Variants in RGS12 observed in about 807,000 individuals in gnomAD.
RGS12 encodes the protein regulator of G-protein signaling 12.
Under a neutral mutation model 120.1 loss-of-function variants are expected in RGS12, and 66 were observed. The observed-to-expected ratio is 0.55, with a 90% CI of 0.45 to 0.67. The LOEUF is 0.67. RGS12 is among the 30% of genes least tolerant of loss of function. RGS12 has a pLI of 0.00. For missense variants in RGS12, 1,859 were observed against 1,957.7 expected (o/e 0.95, Z 0.95); for synonymous variants, 827 against 804.7 (o/e 1.03, Z -0.47).
At chr4:3,392,511 C>A (rs574558461) in intron 4 of RGS12, among the ~76,000 whole-genome samples, 1 of 152,260 alleles carries the variant, frequency 6.6e-6, no homozygotes, top group Admixed American at 6.5e-5. Context: ...TTCATTGTTT[C>A]TCTTGCTCTA....
chr4:3,352,274 A>G (rs947865576), intron 3 of RGS12, among the ~76,000 whole-genome samples: 2 of 152,180 alleles, frequency 1.3e-5, no homozygotes, highest in Admixed American at 1.3e-4. Context: ...TGAAGTAAAA[A>G]AGAGCTTCTA....
chr4:3,318,081 AG>A, intron 2 of RGS12, 30 bp downstream of exon 2: 1 of 1,553,418 alleles, frequency 6.4e-7, no homozygotes, highest in Non-Finnish European at 8.7e-7. Context: ...CTCAGCGCGG[AG>A]GCCCGGCCTC....
chr4:3,364,372 G>A (rs558187151), intron 3 of RGS12, among the ~76,000 whole-genome samples: 54 of 152,318 alleles, frequency 3.5e-4, no homozygotes, highest in Non-Finnish European at 7.1e-4. Flanking sequence ...CTCACCCAGA[G>A]GCCCTGGCAG....
At chr4:3,414,720 G>C in intron 5 of RGS12, 32 bp from the exon 6 acceptor site, 1 of 1,459,430 alleles carries the variant, frequency 6.9e-7, no homozygotes. Flanking sequence ...CCCTGTGTCA[G>C]TGTTAATAAA....
intron 2 of RGS12, among the ~76,000 whole-genome samples, chr4:3,331,805 C>T (rs1430599566): frequency 6.6e-6 from 1 of 152,204 alleles, no homozygotes; most frequent in Non-Finnish European, 1.5e-5. Context: ...GGAGTCCACC[C>T]AGTCCTGGGA....
intron 3 of RGS12, among the ~76,000 whole-genome samples, chr4:3,363,356 G>T (rs1166936027): frequency 1.3e-5 from 2 of 152,134 alleles, no homozygotes; most frequent in Admixed American, 1.3e-4. Flanking sequence ...GTTTTAAAGA[G>T]AAACCATTTT....
chr4:3,328,358 T>G (rs1482368371), intron 2 of RGS12, among the ~76,000 whole-genome samples: 1 of 152,214 alleles, frequency 6.6e-6, no homozygotes, highest in Non-Finnish European at 1.5e-5. Context: ...GCATGTATAG[T>G]AACAAAATTG....
At chr4:3,364,481 G>T (rs931119490) in intron 3 of RGS12, among the ~76,000 whole-genome samples, 10 of 152,102 alleles carry the variant, frequency 6.6e-5, no homozygotes, top group African/African-American at 2.4e-4. Flanking sequence ...GCCAGGCAAC[G>T]TCCTGCCTTT....
At chr4:3,289,288 C>T (rs543958444), upstream of RGS12, among the ~76,000 whole-genome samples, 13 of 152,196 alleles carry the variant, frequency 8.5e-5, no homozygotes, top group South Asian at 2.3e-3. Context: ...ATTGCAACCT[C>T]ACTTCTCAGG....
At chr4:3,375,625 G>GCCTCATCTCCAGCCCTCATCTCCAGC in intron 3 of RGS12, among the ~76,000 whole-genome samples, 1 of 77,402 alleles carries the variant, frequency 1.3e-5, no homozygotes. Context: ...CTCATCTCCA[G>GCCTCATCTCCAGCCCTCATCTCCAGC]CCTCATCTCC....
chr4:3,437,713 G>A (rs1724942748), intron 17 of RGS12, among the ~76,000 whole-genome samples: 1 of 152,150 alleles, frequency 6.6e-6, no homozygotes, highest in African/African-American at 2.4e-5. Context: ...CCTCCAGATG[G>A]CATCTCCACC....
intron 1 of RGS12, among the ~76,000 whole-genome samples, chr4:3,315,530 T>C (rs986379752): frequency 6.6e-6 from 1 of 152,214 alleles, no homozygotes; most frequent in Non-Finnish European, 1.5e-5. Flanking sequence ...CATGGAATAT[T>C]AGGTGACCCC....
chr4:3,371,919 T>TGCCC (rs1014669261), intron 3 of RGS12, among the ~76,000 whole-genome samples: 1 of 152,164 alleles, frequency 6.6e-6, no homozygotes, highest in African/African-American at 2.4e-5. Context: ...TAGGAGCTGT[T>TGCCC]GCCCGACTCC....
intron 4 of RGS12, among the ~76,000 whole-genome samples, chr4:3,397,734 G>T (rs1019911423): frequency 1.3e-5 from 2 of 152,214 alleles, no homozygotes; most frequent in African/African-American, 2.4e-5. Context: ...AGTACAGAAT[G>T]CAGAAAAGTG....
In RGS12 at chr4:3,295,285, T is replaced by G. The variant is rs144596364; in HGVS notation, c.-102+2186T>G. On this transcript the variant is annotated intron_variant, in intron 1 of 17. Coordinates refer to ENST00000336727, the MANE Select transcript of RGS12 (RefSeq NM_001394154.1). ...TTCCGGCTGATAGAAGGGGGCTGAG[T>G]GGGCTCTGCAGGCCTGGTTGACAGT... 8.7e-3 allele frequency among the ~76,000 whole-genome samples: 1,329 copies of G among 152,208 alleles called. 14 individuals are homozygous for G. The highest frequency in any genetic ancestry group is 0.031 in the Middle Eastern group (9 of 294).
rs371380195 is a variant in RGS12, at chr4:3,416,706, G to A, written c.2428-207G>A. Among the ~76,000 whole-genome samples, 14 of 152,296 alleles carry A rather than the reference G, an allele frequency of 9.2e-5. No individual in the cohort carries two copies. In the East Asian group the frequency reaches 2.1e-3, roughly 23 times the overall value. The stretch of plus-strand genomic sequence containing the variant: ...TTAATTTTAAGAGTGATAAAGGCTG[G>A]TTCGTTATGAGAAAGAAGACTCAGA... On this transcript the variant is annotated intron_variant, in intron 7 of 17. Transcript: ENST00000336727.
chr4:3,374,233 G>A lies in RGS12; in HGVS notation c.1999-12183G>A, dbSNP rs767460079. Among the ~76,000 whole-genome samples, 1 of 152,262 alleles carries A rather than the reference G, an allele frequency of 6.6e-6. No homozygotes were observed. Among genetic ancestry groups the A allele is most frequent in the Non-Finnish European group, 1.5e-5 (1 of 68,038 alleles). ...CGGCCCTCCGCAGACAGCAGGAGCT[G>A]CCGAGCTCCGAGTGCTGGGCCAGCT... is the stretch of plus-strand genomic sequence containing the variant. On this transcript the variant is annotated intron_variant, in intron 3 of 17. Coordinates refer to ENST00000336727, the MANE Select transcript of RGS12 (RefSeq NM_001394154.1). The surrounding 1 kb of genome is among the most constrained non-coding windows in gnomAD (Gnocchi z 6.3).
At chr4:3,323,624 T>A (rs556942577) in intron 2 of RGS12, among the ~76,000 whole-genome samples, 24 of 152,366 alleles carry the variant, frequency 1.6e-4, no homozygotes, top group African/African-American at 5.5e-4. Context: ...CCTGTGCCAT[T>A]TCTTACTGAA....
At chr4:3,380,758 A>G (rs978689224) in intron 3 of RGS12, among the ~76,000 whole-genome samples, 1 of 152,184 alleles carries the variant, frequency 6.6e-6, no homozygotes, top group African/African-American at 2.4e-5. Context: ...CTGAGGTTGC[A>G]TAGAGCAGGG....
Sources: gnomAD v4.1 joint callset for allele counts (sites outside exome capture counted in the v4.1 genomes callset) on GRCh38, gnomAD v4.1.1 for gene constraint, Gnocchi (gnomAD v3.1) non-coding constraint, MANE v1.5 for transcripts, NCBI Gene and HGNC (gene_info 2026-07-23, HGNC 2026-07-21) for gene names.